The following CRYBA4 variants were observed in gnomAD, a reference collection of about 807,000 sequenced individuals.
The protein encoded by CRYBA4 is crystallin beta A4.
CRYBA4 carries 30 observed loss-of-function variants against 31.7 expected under a neutral mutation model. The observed-to-expected ratio is 0.95, with a 90% CI of 0.71 to 1.28. The LOEUF is 1.28. CRYBA4 is among the 50% of genes most tolerant of loss of function. The probability of loss-of-function intolerance (pLI) is 0.00; values close to 1 mark genes in which losing one functional copy is unlikely to be tolerated. For synonymous variants in CRYBA4, 102 were observed against 102.3 expected (o/e 1.00, Z 0.02); for missense variants, 225 against 260.7 (o/e 0.86, Z 0.94).
At chr22:26,601,863 C>T in the CRYBA4 span, 1 of 1,611,754 alleles carries the variant, frequency 6.2e-7, no homozygotes, top group Non-Finnish European at 8.5e-7. Context: ...GCGGACCTGG[C>T]AGGAGGGATG....
chr22:26,608,387 A>T, the CRYBA4 span, among the ~76,000 whole-genome samples: 1 of 152,010 alleles, frequency 6.6e-6, no homozygotes, highest in East Asian at 1.9e-4. Flanking sequence ...GAACACATAG[A>T]CATTTGAAAC....
upstream of CRYBA4, among the ~76,000 whole-genome samples, chr22:26,617,753 A>G (rs1034887267): frequency 6.8e-6 from 1 of 147,278 alleles, no homozygotes; most frequent in Non-Finnish European, 1.5e-5. Context: ...TTATCTCTCT[A>G]TCTGTCCTTT....
At position 26,622,574 on chromosome 22, in the gene CRYBA4, C is replaced by T; in HGVS notation, c.-12-11C>T. The T allele has an allele frequency of 6.2e-7, 1 of 1,611,250 alleles. No homozygotes were observed. Among genetic ancestry groups the T allele is most frequent in the African/African-American group, 1.3e-5 (1 of 74,890 alleles). ...CAGGGTGGAAGATTATAATGTTCTT[C>T]TCTTCTGCAGGAAGGGGCCACAATG... On this transcript the variant is annotated splice_polypyrimidine_tract_variant and intron_variant, in intron 1 of 5. Transcript: ENST00000354760.
chr22:26,592,754 C>G, the CRYBA4 span, among the ~76,000 whole-genome samples: 3 of 152,134 alleles, frequency 2.0e-5, no homozygotes, highest in African/African-American at 4.8e-5. Context: ...GCAAAGATCC[C>G]TCTGGTGCTG....
chr22:26,611,825 C>T, the CRYBA4 span, among the ~76,000 whole-genome samples: 1 of 152,184 alleles, frequency 6.6e-6, no homozygotes, highest in East Asian at 1.9e-4. Flanking sequence ...AGCCCAGAAC[C>T]ATGGCTTACT....
At chr22:26,615,648 G>A in the CRYBA4 span, among the ~76,000 whole-genome samples, 16 of 152,056 alleles carry the variant, frequency 1.1e-4, no homozygotes, top group South Asian at 1.5e-3. Flanking sequence ...CAAGTAGCTG[G>A]GATTACAGGC....
At chr22:26,616,637 A>G in the CRYBA4 span, among the ~76,000 whole-genome samples, 1 of 152,050 alleles carries the variant, frequency 6.6e-6, no homozygotes, top group Non-Finnish European at 1.5e-5. Flanking sequence ...AATTTTCCAC[A>G]CTGCTTATCA....
intron 4 of CRYBA4, among the ~76,000 whole-genome samples, chr22:26,627,267 A>G (rs1929727929): frequency 6.6e-6 from 1 of 151,590 alleles, no homozygotes; most frequent in African/African-American, 2.4e-5. Context: ...CCTAGCAGGA[A>G]GGATTTGAGA....
upstream of CRYBA4, among the ~76,000 whole-genome samples, chr22:26,621,801 C>G (rs2073468955): frequency 6.6e-6 from 1 of 152,204 alleles, no homozygotes; most frequent in African/African-American, 2.4e-5. Context: ...CTGGTCCTTT[C>G]CCTCCCTGCT....
At chr22:26,622,932 C>T (rs1424800383) in intron 2 of CRYBA4, among the ~76,000 whole-genome samples, 1 of 152,178 alleles carries the variant, frequency 6.6e-6, no homozygotes, top group Non-Finnish European at 1.5e-5. Flanking sequence ...TATCATCAGC[C>T]TTTAAAAGCC....
At chr22:26,597,316 T>C in the CRYBA4 span, among the ~76,000 whole-genome samples, 1 of 152,234 alleles carries the variant, frequency 6.6e-6, no homozygotes, top group Admixed American at 6.5e-5. Flanking sequence ...ATGCCTTTGT[T>C]CATGGTGCTC....
At position 26,627,370 on chromosome 22, in the gene CRYBA4, T is replaced by TTCTTTCTC. The variant is rs1929743900; in HGVS notation, c.301-911_301-910insCTCTTTCT. ...CTCCCTCCCTCCCTCCTTTCTTTCT[T>TTCTTTCTC]TCTTTCTTTCTTTCTTTCTTTCTTT... On this transcript the variant is annotated intron_variant, in intron 4 of 5. Coordinates refer to ENST00000354760, the MANE Select transcript of CRYBA4 (RefSeq NM_001886.3). Among the ~76,000 whole-genome samples, 13 of 49,512 alleles carry TTCTTTCTC rather than the reference T, an allele frequency of 2.6e-4. No individual in the cohort carries two copies. The Admixed American group carries it at 3.3e-3, about 12-fold the overall frequency. 32.5% of individuals were successfully genotyped at this position (49,512 alleles called of 152,430 possible).
chr22:26,599,502 C>T, the CRYBA4 span: 1 of 1,612,608 alleles, frequency 6.2e-7, no homozygotes, highest in Non-Finnish European at 8.5e-7. Flanking sequence ...ACTTGGGGGG[C>T]TCTGTGGCCA....
intron 5 of CRYBA4, among the ~76,000 whole-genome samples, chr22:26,628,763 T>C (rs1413834441): frequency 6.6e-6 from 1 of 152,172 alleles, no homozygotes; most frequent in Non-Finnish European, 1.5e-5. Flanking sequence ...GCTCTTCCTG[T>C]GTGAAGGCAA....
chr22:26,626,329 G>A (rs1286209087), intron 4 of CRYBA4, among the ~76,000 whole-genome samples: 5 of 152,268 alleles, frequency 3.3e-5, no homozygotes, highest in East Asian at 3.9e-4. Context: ...ACTTGAACCC[G>A]GGAGACAGAG....
the CRYBA4 span, chr22:26,602,142 C>T: frequency 2.4e-6 from 3 of 1,243,116 alleles, no homozygotes; most frequent in Non-Finnish European, 3.4e-6. Flanking sequence ...CTGGGGGACT[C>T]TCCAGGGACC....
At chr22:26,620,958 A>T (rs949877286), upstream of CRYBA4, among the ~76,000 whole-genome samples, 5 of 152,182 alleles carry the variant, frequency 3.3e-5, no homozygotes, top group African/African-American at 1.2e-4. Flanking sequence ...GGTGTCCTCC[A>T]GGTCACACGG....
chr22:26,609,124 GAT>G, the CRYBA4 span, among the ~76,000 whole-genome samples: 1 of 152,154 alleles, frequency 6.6e-6, no homozygotes, highest in Non-Finnish European at 1.5e-5. Context: ...AAAAGAGACG[GAT>G]GAGGGGACAC....
the CRYBA4 span, among the ~76,000 whole-genome samples, chr22:26,600,383 CAG>C: frequency 6.6e-6 from 1 of 151,160 alleles, no homozygotes; most frequent in Non-Finnish European, 1.5e-5. Context: ...GCCTGAGGGA[CAG>C]AGCGAGACTC....
Sources: allele counts gnomAD v4.1 joint callset (sites outside exome capture counted in the v4.1 genomes callset), GRCh38; gene constraint gnomAD v4.1.1; transcripts MANE v1.5; gene names NCBI Gene and HGNC (gene_info 2026-07-23, HGNC 2026-07-21).